The following VPS13B variants were observed in gnomAD, a reference collection of about 807,000 sequenced individuals.
VPS13B encodes intermembrane lipid transfer protein VPS13B.
A neutral mutation model predicts 426.4 loss-of-function variants in VPS13B; 285 were observed. The observed-to-expected ratio is 0.67, with a 90% confidence interval of 0.61 to 0.74. VPS13B has a LOEUF of 0.74. Among genes scored for constraint, VPS13B ranks in the 30% least tolerant of loss-of-function variants. The pLI, the probability that VPS13B is intolerant of heterozygous loss-of-function variation, is 0.00. For missense variants in VPS13B, 4,537 were observed against 4,782.6 expected (o/e 0.95, Z 1.51); for synonymous variants, 1,676 against 1,676.4 (o/e 1.00, Z 0.01).
intron 16 of VPS13B, among the ~76,000 whole-genome samples, chr8:99,185,085 A>G (rs1021104261): frequency 1.3e-5 from 2 of 152,264 alleles, no homozygotes; most frequent in Non-Finnish European, 2.9e-5. Flanking sequence ...GATATCATGT[A>G]TGCATTAAAA....
chr8:99,778,733 A>T lies in VPS13B; in HGVS notation c.7481A>T (p.Glu2494Val). The T allele has an allele frequency of 6.2e-7, 1 of 1,613,970 alleles. No individual in the cohort carries two copies. The change falls in exon 42 of 62, where the codon GAA becomes GTA. Residue 2494 changes from glutamate (E) to valine (V), a missense_variant. Physicochemically the swap from Glu to Val is moderately radical, Grantham distance 121. Around this residue, in one of 2 missense-constraint regions of VPS13B, gnomAD observed 4,311 missense variants for 4,474.3 expected, o/e 0.96. Coordinates refer to ENST00000357162, the MANE Select transcript of VPS13B (RefSeq NM_152564.5). ...PFVSDRNMPS[E>V]LEYMIVSFRE... ...GTTTCCGACAGAAATATGCCATCTG[A>T]ACTAGAATACATGATTGTTTCCTTC...
intron 31 of VPS13B, among the ~76,000 whole-genome samples, chr8:99,558,526 G>A (rs918566475): frequency 6.6e-6 from 1 of 151,862 alleles, no homozygotes. Flanking sequence ...CATCATTTAC[G>A]TTAGGTATTT....
intron 44 of VPS13B, among the ~76,000 whole-genome samples, chr8:99,816,109 T>TCTC (rs549527616): frequency 9.8e-6 from 1 of 102,416 alleles, no homozygotes; most frequent in Non-Finnish European, 2.1e-5. Context: ...TCTCTCTCTC[T>TCTC]TTTTTTTTTT....
At chr8:99,027,367 G>A (rs574995190) in intron 2 of VPS13B, among the ~76,000 whole-genome samples, 2 of 145,594 alleles carry the variant, frequency 1.4e-5, no homozygotes, top group East Asian at 2.0e-4. Flanking sequence ...CTTTCCTATT[G>A]TTTATCTTTG....
intron 60 of VPS13B, chr8:99,871,245 A>T (rs1470936822): frequency 2.5e-6 from 2 of 792,096 alleles, no homozygotes; most frequent in Non-Finnish European, 4.0e-6. Context: ...ACCAAGGGAA[A>T]TCTTTGTTCC....
At chr8:99,732,796 T>C (rs960992904) in intron 39 of VPS13B, among the ~76,000 whole-genome samples, 1 of 152,208 alleles carries the variant, frequency 6.6e-6, no homozygotes, top group African/African-American at 2.4e-5. Context: ...TAATAATAAA[T>C]AGTTTGAAAT....
chr8:99,332,683 T>C (rs1478705196), intron 19 of VPS13B, among the ~76,000 whole-genome samples: 2 of 151,656 alleles, frequency 1.3e-5, no homozygotes, highest in Non-Finnish European at 3.0e-5. Context: ...GATGAAAGTT[T>C]TAGATTAAGA....
rs117299225 is a variant in VPS13B at position 99,327,405 on chromosome 8, A to C, written c.2824+52151A>C. On this transcript the variant is annotated intron_variant, in intron 19 of 61. Coordinates refer to ENST00000357162, the MANE Select transcript of VPS13B (RefSeq NM_152564.5). ...AATTAATATAGGTAGCCAGTCAAAT[A>C]AATGGCAGCTAGCCAGTCAAATAAA... Among the ~76,000 whole-genome samples, 1,429 of 152,346 alleles carry C rather than the reference A, an allele frequency of 9.4e-3. 8 individuals carry two copies. Among genetic ancestry groups the C allele is most frequent in the Non-Finnish European group, 0.015 (1,007 of 68,038 alleles).
intron 28 of VPS13B, 126 bp downstream of exon 28, chr8:99,507,329 C>A: frequency 1.0e-6 from 1 of 1,004,344 alleles, no homozygotes; most frequent in Non-Finnish European, 1.5e-6. Context: ...TAGCCTGTTT[C>A]TTCAAAATTA....
intron 54 of VPS13B, among the ~76,000 whole-genome samples, chr8:99,844,691 A>G (rs758323815): frequency 1.3e-4 from 20 of 152,138 alleles, no homozygotes; most frequent in Non-Finnish European, 2.5e-4. Context: ...TTATAAGGAC[A>G]CTAATTGCAT....
At chr8:99,509,063 A>G (rs1821647812) in intron 28 of VPS13B, among the ~76,000 whole-genome samples, 1 of 152,114 alleles carries the variant, frequency 6.6e-6, no homozygotes, top group South Asian at 2.1e-4. Flanking sequence ...ATTTATTATG[A>G]GTTAGATTTT....
intron 4 of VPS13B, among the ~76,000 whole-genome samples, chr8:99,101,778 C>A (rs535650979): frequency 1.3e-5 from 2 of 152,292 alleles, no homozygotes; most frequent in East Asian, 3.9e-4. Context: ...AGTAAGTCTT[C>A]TCTCAGCAGG....
rs770999005 is a variant in VPS13B, at chr8:99,853,903, G to T, written c.10514G>T (p.Arg3505Leu). 8.7e-6 allele frequency: 14 copies of T among 1,614,080 alleles called. No homozygotes were observed. The Admixed American group carries it at 2.2e-4, about 25-fold the overall frequency. Residue 3505 changes from arginine (R) to leucine (L), a missense_variant, in exon 56 of 62, where the codon CGG (arginine) becomes CTG (leucine). Physicochemically the swap from Arg to Leu is moderately radical, Grantham distance 102 (BLOSUM62 -2). This residue lies in a region of VPS13B where 4,311 missense variants were observed against 4,474.3 expected (regional missense o/e 0.96). Coordinates refer to ENST00000357162, the MANE Select transcript of VPS13B (RefSeq NM_152564.5). ...NEFSFELKPARLYVEDTFVYY... is the reference protein window; with the variant it reads ...NEFSFELKPALLYVEDTFVYY... ...TTCAGCTTTGAATTAAAACCTGCTCGGTTATACGTGGAAGACACATTTGTA... is the reference window on the plus strand; with the variant it reads ...TTCAGCTTTGAATTAAAACCTGCTCTGTTATACGTGGAAGACACATTTGTA...
At chr8:99,850,483 GT>G (rs1422804149) in intron 55 of VPS13B, among the ~76,000 whole-genome samples, 2 of 151,946 alleles carry the variant, frequency 1.3e-5, no homozygotes, top group East Asian at 3.9e-4. Flanking sequence ...CAGATGTGGG[GT>G]TAATGAGTTA....
intron 41 of VPS13B, among the ~76,000 whole-genome samples, chr8:99,777,870 A>T (rs1052364194): frequency 6.6e-5 from 10 of 152,136 alleles, no homozygotes; most frequent in African/African-American, 2.4e-4. Flanking sequence ...TAGGTGATAC[A>T]TTTTGACTCA....
chr8:99,456,752 G>A (rs1293559274), intron 23 of VPS13B, among the ~76,000 whole-genome samples: 2 of 152,090 alleles, frequency 1.3e-5, no homozygotes, highest in African/African-American at 4.8e-5. Context: ...GTTTTAGTCT[G>A]TAGATTTCTT....
intron 56 of VPS13B, 44 bp from the exon 57 acceptor site, chr8:99,859,260 T>C: frequency 6.2e-7 from 1 of 1,610,536 alleles, no homozygotes; most frequent in Non-Finnish European, 8.5e-7. Context: ...TTGAAAGTTC[T>C]GCATTTGAGG....
chr8:99,107,408 A>G (rs896234083), intron 5 of VPS13B, among the ~76,000 whole-genome samples: 1 of 152,208 alleles, frequency 6.6e-6, no homozygotes, highest in Non-Finnish European at 1.5e-5. Flanking sequence ...AATTAACACC[A>G]AATCAGATTG....
chr8:99,285,520 C>T (rs752818904), intron 19 of VPS13B, among the ~76,000 whole-genome samples: 24 of 152,108 alleles, frequency 1.6e-4, no homozygotes, highest in Non-Finnish European at 2.8e-4. Flanking sequence ...CTAGAAAATA[C>T]GGACTATCTC....
Sources: allele counts gnomAD v4.1 joint callset (sites outside exome capture counted in the v4.1 genomes callset), GRCh38; gene constraint gnomAD v4.1.1; regional missense constraint gnomAD v4.1.1; transcripts MANE v1.5; gene names NCBI Gene and HGNC (gene_info 2026-07-23, HGNC 2026-07-21).